The following ADK variants were observed in gnomAD, a reference collection of about 807,000 sequenced individuals.
ADK encodes the protein adenosine kinase, also known as N6,N6-dimethyladenosine kinase.
Under a neutral mutation model 44.7 loss-of-function variants are expected in ADK, and 24 were observed. That is an observed-to-expected ratio of 0.54 (90% CI 0.39 to 0.76). ADK has a LOEUF of 0.76. ADK is among the 30% of genes least tolerant of loss of function. The probability of loss-of-function intolerance (pLI) is 0.00; values close to 1 mark genes in which losing one functional copy is unlikely to be tolerated. For synonymous variants in ADK, 128 were observed against 142.6 expected (o/e 0.90, Z 0.73); for missense variants, 321 against 425.1 (o/e 0.76, Z 2.15).
intron 9 of ADK, among the ~76,000 whole-genome samples, chr10:74,653,355 G>A (rs919760369): frequency 3.3e-5 from 5 of 152,080 alleles, no homozygotes; most frequent in African/African-American, 4.8e-5. Flanking sequence ...GGGAGGGTAA[G>A]GCAGGAGAAT....
rs1299264400 is a variant in ADK at position 74,708,944 on chromosome 10, G to A, written c.*499G>A. 6.5e-6 allele frequency: 1 copy of A among 154,964 alleles called. No homozygotes were observed. The highest frequency in any genetic ancestry group is 2.4e-5 in the African/African-American group (1 of 41,394). 9.6% of individuals were successfully genotyped at this position (154,964 alleles called of 1,614,324 possible). A position where few individuals can be genotyped will look rare whatever the true frequency, so the allele number is the denominator to read the frequency against. Reference sequence around the variant, plus strand: ...CATATACACCTGATAGTCAAATAAGGTACAGAAATTTTATCTTGTCAATTA... The same window carrying A: ...CATATACACCTGATAGTCAAATAAGATACAGAAATTTTATCTTGTCAATTA... On this transcript the variant is annotated 3_prime_UTR_variant, in exon 11 of 11. Coordinates refer to ENST00000539909, the MANE Select transcript of ADK (RefSeq NM_006721.4).
At chr10:74,500,498 G>A (rs1050088664) in intron 6 of ADK, among the ~76,000 whole-genome samples, 9 of 152,120 alleles carry the variant, frequency 5.9e-5, no homozygotes, top group African/African-American at 1.7e-4. Context: ...AGTAAGTCTG[G>A]GGTATGACCA....
chr10:74,354,903 A>C (rs551340686), intron 4 of ADK, among the ~76,000 whole-genome samples: 3 of 152,318 alleles, frequency 2.0e-5, no homozygotes, highest in Admixed American at 1.3e-4. Context: ...TGCTTCCACT[A>C]TTTGGGTAAT....
At chr10:74,462,208 C>T (rs1329525005) in intron 6 of ADK, among the ~76,000 whole-genome samples, 1 of 151,962 alleles carries the variant, frequency 6.6e-6, no homozygotes, top group Non-Finnish European at 1.5e-5. Flanking sequence ...TTTATAATAT[C>T]ATTAATAGAT....
intron 6 of ADK, among the ~76,000 whole-genome samples, chr10:74,520,220 A>G (rs535684428): frequency 6.6e-6 from 1 of 152,094 alleles, no homozygotes; most frequent in Admixed American, 6.5e-5. Context: ...ATGGACCCAA[A>G]TAGATTAAAA....
At chr10:74,199,379 C>G (rs770218736) in intron 1 of ADK, among the ~76,000 whole-genome samples, 14 of 152,140 alleles carry the variant, frequency 9.2e-5, no homozygotes, top group Non-Finnish European at 1.6e-4. Flanking sequence ...GTCTTTTGTC[C>G]CGACATCTTT....
At chr10:74,412,685 G>C (rs773581157) in intron 6 of ADK, among the ~76,000 whole-genome samples, 2 of 152,214 alleles carry the variant, frequency 1.3e-5, no homozygotes, top group African/African-American at 2.4e-5. Context: ...TGGGTTACCA[G>C]ATGCATTGTT....
intron 1 of ADK, among the ~76,000 whole-genome samples, chr10:74,183,345 G>A (rs7074327): frequency 6.6e-6 from 1 of 152,160 alleles, no homozygotes; most frequent in African/African-American, 2.4e-5. Context: ...GCCGAGGTGG[G>A]AGGATCACTT....
intron 9 of ADK, among the ~76,000 whole-genome samples, chr10:74,631,768 A>T (rs193189355): frequency 2.0e-5 from 3 of 152,168 alleles, no homozygotes; most frequent in Non-Finnish European, 1.5e-5. Context: ...TTAAATATAT[A>T]GAAAATTACC....
chr10:74,484,601 C>T (rs564538468), intron 6 of ADK, among the ~76,000 whole-genome samples: 3 of 152,266 alleles, frequency 2.0e-5, no homozygotes, highest in East Asian at 3.9e-4. Context: ...CTTTACCATA[C>T]ATTTCTATGG....
At position 74,676,059 on chromosome 10, in the gene ADK, AC is replaced by A. The variant is rs559720929; in HGVS notation, c.964+5791del. 7.2e-4 allele frequency among the ~76,000 whole-genome samples: 109 copies of A among 151,346 alleles called. 1 individual carries two copies. In the East Asian group the frequency reaches 0.019, roughly 26 times the overall value. ...TTCTTAGAATTAAAAAAAAAAAAAA[AC>A]ACCTTCATTAAGTATGGTTAAAAGC... On this transcript the variant is annotated intron_variant, in intron 10 of 10. Coordinates refer to ENST00000539909, the MANE Select transcript of ADK (RefSeq NM_006721.4).
intron 1 of ADK, among the ~76,000 whole-genome samples, chr10:74,182,420 G>A (rs1321060233): frequency 1.3e-5 from 2 of 151,458 alleles, no homozygotes; most frequent in African/African-American, 4.9e-5. Context: ...CCAGGCTGGA[G>A]TGCAATGGCA....
chr10:74,597,363 T>C (rs1039930504), intron 8 of ADK, among the ~76,000 whole-genome samples: 6 of 152,184 alleles, frequency 3.9e-5, no homozygotes, highest in Non-Finnish European at 7.3e-5. Context: ...CAAAGTATAA[T>C]GAATAACAGA....
chr10:74,228,141 T>G (rs1464310710), intron 3 of ADK, among the ~76,000 whole-genome samples: 1 of 152,270 alleles, frequency 6.6e-6, no homozygotes. Context: ...AGATTTCATA[T>G]ACACTTAGTC....
chr10:74,669,036 T>TA (rs780953296), intron 9 of ADK, among the ~76,000 whole-genome samples: 2,149 of 131,840 alleles, frequency 0.016, 28 homozygotes, highest in South Asian at 0.04. Context: ...GAGCAAGACC[T>TA]AAAAAAAAAA....
chr10:74,325,168 C>T (rs1238807627), intron 4 of ADK, among the ~76,000 whole-genome samples: 5 of 151,968 alleles, frequency 3.3e-5, no homozygotes, highest in Non-Finnish European at 5.9e-5. Flanking sequence ...CTTTCATCAG[C>T]GTTTTATACT....
At chr10:74,642,545 C>A (rs772665159) in intron 9 of ADK, among the ~76,000 whole-genome samples, 1 of 151,850 alleles carries the variant, frequency 6.6e-6, no homozygotes. Context: ...AACCCCTCCT[C>A]TAATGTAATA....
chr10:74,624,133 G>A (rs1033007690), intron 9 of ADK, among the ~76,000 whole-genome samples: 5 of 152,004 alleles, frequency 3.3e-5, no homozygotes, highest in African/African-American at 1.2e-4. Context: ...TATTTAAATG[G>A]ATAGTTAACT....
intron 1 of ADK, among the ~76,000 whole-genome samples, chr10:74,162,525 G>A (rs1258670471): frequency 3.2e-5 from 3 of 94,414 alleles, no homozygotes; most frequent in Non-Finnish European, 7.3e-5. Flanking sequence ...TTTCTTTTGT[G>A]TGTGTGTGTG....
Sources: gnomAD v4.1 joint callset for allele counts (sites outside exome capture counted in the v4.1 genomes callset) on GRCh38, gnomAD v4.1.1 for gene constraint, MANE v1.5 for transcripts, NCBI Gene and HGNC (gene_info 2026-07-23, HGNC 2026-07-21) for gene names.